ANKRD30BL: variants seen among roughly 807,000 people sequenced by gnomAD.
ANKRD30BL encodes the protein putative ankyrin repeat domain-containing protein 30B-like.
Under a neutral mutation model 18.4 loss-of-function variants are expected in ANKRD30BL, and 20 were observed. That is an observed-to-expected ratio of 1.09 (90% CI 0.77 to 1.58). The LOEUF is 1.58. Among genes scored for constraint, ANKRD30BL ranks in the 40% most tolerant of loss-of-function variants. The probability of loss-of-function intolerance (pLI) is 0.00; values close to 1 mark genes in which losing one functional copy is unlikely to be tolerated. For missense variants in ANKRD30BL, 224 were observed against 268.6 expected, an observed-to-expected ratio of 0.83 and a Z score of 1.16; for synonymous variants, 72 against 100.9, an observed-to-expected ratio of 0.71 and a Z score of 1.72.
chr2:132,249,812 G>C (rs1190532608), intron 1 of ANKRD30BL, among the ~76,000 whole-genome samples: 1 of 152,042 alleles, frequency 6.6e-6, no homozygotes, highest in Non-Finnish European at 1.5e-5. Flanking sequence ...TTTATGTGAT[G>C]ATATTTCCAT....
intron 3 of ANKRD30BL, 85 bp downstream of exon 3, chr2:132,156,888 T>C: frequency 2.2e-6 from 1 of 454,354 alleles, no homozygotes; most frequent in Non-Finnish European, 3.8e-6. Flanking sequence ...ATGTTTGAGC[T>C]TCCAAATATA....
intron 1 of ANKRD30BL, among the ~76,000 whole-genome samples, chr2:132,174,590 A>C (rs182523751): frequency 7.4e-4 from 112 of 152,334 alleles, no homozygotes; most frequent in African/African-American, 2.6e-3. Context: ...TTAAGAAAGA[A>C]AGATGTGTAA....
intron 4 of ANKRD30BL, chr2:132,152,601 G>T (rs1687789156): frequency 6.6e-6 from 1 of 152,138 alleles, no homozygotes; most frequent in South Asian, 2.1e-4. Flanking sequence ...GATGACATGG[G>T]ATTTTACAGA....
At chr2:132,248,546 T>C (rs969126729) in intron 1 of ANKRD30BL, among the ~76,000 whole-genome samples, 1 of 152,122 alleles carries the variant, frequency 6.6e-6, no homozygotes, top group Non-Finnish European at 1.5e-5. Flanking sequence ...GGTTCAACTA[T>C]GTGAGATGGA....
At chr2:132,221,674 C>T (rs1679690323) in intron 1 of ANKRD30BL, among the ~76,000 whole-genome samples, 1 of 122,494 alleles carries the variant, frequency 8.2e-6, no homozygotes, top group Non-Finnish European at 1.6e-5. Context: ...GGCCAGCCGC[C>T]CCGTCCGGGA....
At chr2:132,254,046 G>A (rs36033889) in intron 1 of ANKRD30BL, among the ~76,000 whole-genome samples, 17 of 150,998 alleles carry the variant, frequency 1.1e-4, no homozygotes, top group African/African-American at 3.2e-4. Context: ...CCACCGTGAC[G>A]CCGAGAACCA....
chr2:132,183,137 CTT>C (rs144303092), intron 1 of ANKRD30BL, among the ~76,000 whole-genome samples: 48 of 140,188 alleles, frequency 3.4e-4, no homozygotes, highest in Non-Finnish European at 4.0e-4. Context: ...GACAAAGTAG[CTT>C]TTTTTTTTTT....
chr2:132,187,172 GTTTTTTTT>G (rs1407000925), intron 1 of ANKRD30BL, among the ~76,000 whole-genome samples: 3 of 80,274 alleles, frequency 3.7e-5, no homozygotes, highest in South Asian at 5.0e-4. Flanking sequence ...GAAGTTTTTT[GTTTTTTTT>G]TTTGTTTGTT....
At chr2:132,153,404 C>T (rs1160146037) in intron 4 of ANKRD30BL, 1 of 382,572 alleles carries the variant, frequency 2.6e-6, no homozygotes, top group East Asian at 7.3e-5. Context: ...TCCCTAAAGC[C>T]CTAAAATAAA....
chr2:132,255,712 G>A (rs1457917065), intron 1 of ANKRD30BL, among the ~76,000 whole-genome samples: 1 of 152,104 alleles, frequency 6.6e-6, no homozygotes, highest in Non-Finnish European at 1.5e-5. Flanking sequence ...TGGGTAATTT[G>A]AGTGTCTGCT....
At chr2:132,174,536 T>C (rs1285793374) in intron 1 of ANKRD30BL, among the ~76,000 whole-genome samples, 1 of 152,168 alleles carries the variant, frequency 6.6e-6, no homozygotes, top group Non-Finnish European at 1.5e-5. Flanking sequence ...ATGCGTCAAC[T>C]TCTCCCTTAA....
chr2:132,177,273 C>T (rs1400431801), intron 1 of ANKRD30BL, among the ~76,000 whole-genome samples: 3 of 152,136 alleles, frequency 2.0e-5, no homozygotes, highest in African/African-American at 7.2e-5. Context: ...CCTGCCTCAG[C>T]CTCCTGAGTA....
chr2:132,182,251 G>A (rs1204149223), intron 1 of ANKRD30BL, among the ~76,000 whole-genome samples: 3 of 152,136 alleles, frequency 2.0e-5, no homozygotes, highest in Admixed American at 1.3e-4. Flanking sequence ...TGGAGGCTGA[G>A]ATGGGCAGAT....
chr2:132,239,234 C>T (rs536926241), intron 1 of ANKRD30BL, among the ~76,000 whole-genome samples: 1 of 151,712 alleles, frequency 6.6e-6, no homozygotes, highest in African/African-American at 2.4e-5. Flanking sequence ...TTGAAACACT[C>T]TTTGTAGAAT....
At chr2:132,160,661 C>T (rs76939352) in intron 1 of ANKRD30BL, among the ~76,000 whole-genome samples, 7 of 151,688 alleles carry the variant, frequency 4.6e-5, no homozygotes, top group East Asian at 3.9e-4. Context: ...ATCTCCTGAC[C>T]TCATGATCCA....
chr2:132,150,093 C>T (rs1247293444), intron 5 of ANKRD30BL, among the ~76,000 whole-genome samples: 1 of 152,054 alleles, frequency 6.6e-6, no homozygotes, highest in Non-Finnish European at 1.5e-5. Flanking sequence ...CACCCTAACT[C>T]TCATGTTGCT....
intron 1 of ANKRD30BL, among the ~76,000 whole-genome samples, chr2:132,232,302 T>C (rs1227741052): frequency 6.6e-6 from 1 of 152,180 alleles, no homozygotes; most frequent in Non-Finnish European, 1.5e-5. Context: ...AGGAACGCAG[T>C]TCCTCACCAG....
chr2:132,153,520 A>G (rs1380984509), intron 4 of ANKRD30BL: 2 of 491,780 alleles, frequency 4.1e-6, no homozygotes, highest in Non-Finnish European at 8.3e-6. Flanking sequence ...GAAACAAACT[A>G]TAAAATCTCA....
intron 1 of ANKRD30BL, among the ~76,000 whole-genome samples, chr2:132,215,392 A>G (rs1679472273): frequency 1.3e-5 from 2 of 152,000 alleles, no homozygotes; most frequent in African/African-American, 2.4e-5. Flanking sequence ...TGACAAACCT[A>G]TTTGTGATAT....
Sources: gnomAD v4.1 joint callset for allele counts (sites outside exome capture counted in the v4.1 genomes callset) on GRCh38, gnomAD v4.1.1 for gene constraint, MANE v1.5 for transcripts, NCBI Gene and HGNC (gene_info 2026-07-23, HGNC 2026-07-21) for gene names.